The following NDUFAB1 variants were observed in gnomAD, a reference collection of about 807,000 sequenced individuals.
NDUFAB1 encodes NADH:ubiquinone oxidoreductase subunit AB1.
Under a neutral mutation model 16.1 loss-of-function variants are expected in NDUFAB1, and 5 were observed. The ratio of observed to expected loss-of-function variants is 0.31; its 90% CI spans 0.16 to 0.65. NDUFAB1 has a LOEUF of 0.65. NDUFAB1 is among the 30% of genes least tolerant of loss of function. NDUFAB1 has a pLI of 0.77. For synonymous variants in NDUFAB1, 85 were observed against 78.4 expected, an observed-to-expected ratio of 1.08 and a Z score of -0.44; for missense variants, 187 against 205.3, an observed-to-expected ratio of 0.91 and a Z score of 0.54.
intron 1 of NDUFAB1, among the ~76,000 whole-genome samples, chr16:23,590,404 A>G (rs1318956640): frequency 1.3e-5 from 2 of 152,244 alleles, no homozygotes; most frequent in African/African-American, 4.8e-5. Context: ...CAGTTTCCTC[A>G]TCTGTAAAAT....
chr16:23,582,565 A>ATGTTTGTTTGTTTGTTTGTT (rs56827728), intron 3 of NDUFAB1, among the ~76,000 whole-genome samples, 190 bp from the exon 4 acceptor site: 2 of 151,460 alleles, frequency 1.3e-5, no homozygotes, highest in East Asian at 3.9e-4. Flanking sequence ...CTTTGGAGGT[A>ATGTTTGTTTGTTTGTTTGTT]TGTTTGTTTG....
At chr16:23,586,257 T>C (rs1368968232) in intron 2 of NDUFAB1, among the ~76,000 whole-genome samples, 2 of 151,544 alleles carry the variant, frequency 1.3e-5, no homozygotes, top group Non-Finnish European at 2.9e-5. Context: ...TCACTCTAAT[T>C]TAGACCTCAG....
chr16:23,584,210 C>T (rs1327824863), intron 3 of NDUFAB1, among the ~76,000 whole-genome samples: 2 of 122,230 alleles, frequency 1.6e-5, no homozygotes, highest in Non-Finnish European at 3.4e-5. Flanking sequence ...TGTCCTATGA[C>T]CCTGCCAAAT....
At chr16:23,592,607 C>T (rs1227433177) in intron 1 of NDUFAB1, among the ~76,000 whole-genome samples, 1 of 152,184 alleles carries the variant, frequency 6.6e-6, no homozygotes, top group Admixed American at 6.5e-5. Flanking sequence ...TATCTTTGTG[C>T]TCCATCTGCT....
intron 1 of NDUFAB1, chr16:23,595,592 T>C: frequency 2.2e-6 from 1 of 456,198 alleles, no homozygotes; most frequent in South Asian, 1.5e-5. Context: ...TCACTTGGCT[T>C]GTTTCCTAGA....
intron 4 of NDUFAB1, 50 bp downstream of exon 4, chr16:23,582,226 A>C: frequency 7.3e-7 from 1 of 1,376,284 alleles, no homozygotes; most frequent in Non-Finnish European, 9.5e-7. Flanking sequence ...CCTTTATTGA[A>C]GAACCACAGA....
chr16:23,592,314 A>G (rs929750393), intron 1 of NDUFAB1, among the ~76,000 whole-genome samples: 11 of 150,968 alleles, frequency 7.3e-5, no homozygotes, highest in Non-Finnish European at 1.5e-5. Context: ...ACTGCACTCC[A>G]GCCTAAGTGA....
chr16:23,586,836 T>C (rs113656092), intron 2 of NDUFAB1, among the ~76,000 whole-genome samples: 1,983 of 150,722 alleles, frequency 0.013, 19 homozygotes, highest in South Asian at 0.02. Context: ...TTAGTAGAGA[T>C]GAAGTTTCTA....
chr16:23,591,556 CCT>C (rs1348962356), intron 1 of NDUFAB1, among the ~76,000 whole-genome samples: 4 of 152,226 alleles, frequency 2.6e-5, no homozygotes, highest in Non-Finnish European at 5.9e-5. Context: ...TGCTTACAGA[CCT>C]CTGTTCCTTC....
intron 1 of NDUFAB1, chr16:23,595,310 T>C: frequency 3.4e-6 from 1 of 290,882 alleles, no homozygotes; most frequent in South Asian, 2.8e-5. Flanking sequence ...CCTCCCGGCG[T>C]TTCAGCCTCA....
At chr16:23,593,666 A>G (rs1380674058) in intron 1 of NDUFAB1, among the ~76,000 whole-genome samples, 2 of 152,150 alleles carry the variant, frequency 1.3e-5, no homozygotes, top group Non-Finnish European at 2.9e-5. Context: ...TGGAGGTGGA[A>G]ACTCTCTGGC....
intron 1 of NDUFAB1, among the ~76,000 whole-genome samples, chr16:23,593,021 T>A (rs943447106): frequency 7.2e-5 from 11 of 152,150 alleles, no homozygotes; most frequent in Non-Finnish European, 1.2e-4. Context: ...GCACACCAGG[T>A]GTGATGGCTC....
chr16:23,595,788 T>C (rs1966320027), intron 1 of NDUFAB1: 25 of 500,606 alleles, frequency 5.0e-5, no homozygotes, highest in South Asian at 4.8e-4. Flanking sequence ...CCGCATTAAC[T>C]CATCTAATCC....
At chr16:23,592,405 C>T (rs968144459) in intron 1 of NDUFAB1, among the ~76,000 whole-genome samples, 2 of 151,312 alleles carry the variant, frequency 1.3e-5, no homozygotes, top group African/African-American at 4.9e-5. Flanking sequence ...GACATCAGCT[C>T]ATGTTGGGAG....
rs1313589178 is a variant in NDUFAB1 at position 23,588,930 on chromosome 16, G to C, written c.169-1611C>G. 2.0e-5 allele frequency among the ~76,000 whole-genome samples: 3 copies of C among 151,302 alleles called. No homozygotes were observed. In the East Asian group the frequency reaches 5.9e-4, roughly 30 times the overall value. ...ACAGAGGTTGCAGTGAGCCGAGACT[G>C]TGCCACTGCACTCCACCTTGGGCCA... On this transcript the variant is annotated intron_variant, in intron 1 of 4. Coordinates refer to ENST00000007516, the MANE Select transcript of NDUFAB1 (RefSeq NM_005003.3).
intron 1 of NDUFAB1, among the ~76,000 whole-genome samples, chr16:23,593,995 C>G (rs1181579263): frequency 6.6e-6 from 1 of 151,974 alleles, no homozygotes; most frequent in Non-Finnish European, 1.5e-5. Context: ...ATTCTCCTGC[C>G]TCAGCCTCCC....
chr16:23,583,947 TA>T (rs1270441497), intron 3 of NDUFAB1, among the ~76,000 whole-genome samples: 2 of 151,946 alleles, frequency 1.3e-5, no homozygotes, highest in Non-Finnish European at 2.9e-5. Context: ...GCTGTTGATC[TA>T]TGACCTTACC....
At chr16:23,590,638 C>CTATTTCTTCT (rs574003194) in intron 1 of NDUFAB1, among the ~76,000 whole-genome samples, 5 of 131,834 alleles carry the variant, frequency 3.8e-5, no homozygotes, top group Admixed American at 7.9e-5. Context: ...CCTCTGGTCT[C>CTATTTCTTCT]TTTTTTTTTT....
At chr16:23,584,248 G>C (rs188556000) in intron 3 of NDUFAB1, among the ~76,000 whole-genome samples, 2 of 4,042 alleles carry the variant, frequency 4.9e-4, no homozygotes, top group African/African-American at 8.9e-4. Flanking sequence ...ACCCAAGAAT[G>C]ATCAATTAAA....
Sources: gnomAD v4.1 joint callset for allele counts (sites outside exome capture counted in the v4.1 genomes callset) on GRCh38, gnomAD v4.1.1 for gene constraint, MANE v1.5 for transcripts, NCBI Gene and HGNC (gene_info 2026-07-23, HGNC 2026-07-21) for gene names.